EPM2A: variants seen among roughly 807,000 people sequenced by gnomAD.
EPM2A encodes EPM2A glucan phosphatase, laforin.
In EPM2A, 21 loss-of-function variants were observed where a neutral mutation model predicts 26.5. The observed-to-expected ratio is 0.79, with a 90% CI of 0.56 to 1.14. The LOEUF (loss-of-function observed/expected upper bound fraction) is 1.14. EPM2A is among the 50% of genes most tolerant of loss of function. EPM2A has a pLI of 0.00. For missense variants in EPM2A, 458 were observed against 440.8 expected, an observed-to-expected ratio of 1.04 and a Z score of -0.35; for synonymous variants, 217 against 177.6, an observed-to-expected ratio of 1.22 and a Z score of -1.76.
chr6:145,468,379 T>A (rs557674464), intron 4 of EPM2A, among the ~76,000 whole-genome samples: 6 of 152,272 alleles, frequency 3.9e-5, no homozygotes, highest in Admixed American at 1.3e-4. Context: ...TTCAACAAAC[T>A]TTTATTAGAC....
intron 4 of EPM2A, among the ~76,000 whole-genome samples, chr6:145,402,583 G>A (rs1047300034): frequency 6.6e-6 from 1 of 152,094 alleles, no homozygotes; most frequent in Non-Finnish European, 1.5e-5. Context: ...TAAGTGAGAA[G>A]ATATTCTTGT....
chr6:145,638,297 G>A (rs1306443302), intron 2 of EPM2A: 1 of 152,174 alleles, frequency 6.6e-6, no homozygotes, highest in East Asian at 1.9e-4. Context: ...GGGTAAATTA[G>A]GACATTTGAG....
In EPM2A at chr6:145,555,645, A is replaced by T. The variant is rs1780718824; in HGVS notation, c.341-53070T>A. 3.9e-5 allele frequency among the ~76,000 whole-genome samples: 6 copies of T among 152,146 alleles called. No individual in the cohort carries two copies. In the South Asian group the frequency reaches 1.2e-3, roughly 31 times the overall value. On this transcript the variant is annotated intron_variant, in intron 2 of 3. Transcript: ENST00000450221. ...CTTTTCTTTCTCTTTGTCTCTCAAC[A>T]TACACACACACGCATATGCACATAC... is the stretch of plus-strand genomic sequence containing the variant.
At chr6:145,424,146 G>C (rs1050243775) in intron 4 of EPM2A, among the ~76,000 whole-genome samples, 18 of 152,194 alleles carry the variant, frequency 1.2e-4, no homozygotes, top group African/African-American at 3.9e-4. Context: ...CACACTTGGT[G>C]AATACCAACC....
chr6:145,693,857 A>C (rs949127317), intron 1 of EPM2A, among the ~76,000 whole-genome samples: 3 of 151,944 alleles, frequency 2.0e-5, no homozygotes, highest in African/African-American at 7.2e-5. Flanking sequence ...TTTGTTCATC[A>C]AGGCAAGTTA....
chr6:145,418,573 T>G (rs1778739131), intron 4 of EPM2A, among the ~76,000 whole-genome samples: 1 of 152,206 alleles, frequency 6.6e-6, no homozygotes. Context: ...CAGACATGTG[T>G]TGCTGGGGCC....
chr6:145,610,690 A>G (rs1488782944), intron 2 of EPM2A, among the ~76,000 whole-genome samples: 1 of 152,246 alleles, frequency 6.6e-6, no homozygotes, highest in Non-Finnish European at 1.5e-5. Context: ...ACATTTCTGA[A>G]GAAATCAGAA....
At chr6:145,509,289 C>T (rs562229423) in intron 2 of EPM2A, among the ~76,000 whole-genome samples, 7 of 152,186 alleles carry the variant, frequency 4.6e-5, no homozygotes, top group African/African-American at 1.4e-4. Flanking sequence ...ACATAGTCAT[C>T]AGACTATCCA....
chr6:145,553,415 C>T (rs931562364), intron 2 of EPM2A, among the ~76,000 whole-genome samples: 17 of 152,060 alleles, frequency 1.1e-4, no homozygotes, highest in African/African-American at 3.9e-4. Flanking sequence ...GCGTGGCTAA[C>T]GAACTCACCA....
chr6:145,662,299 A>G (rs144163988), intron 2 of EPM2A, among the ~76,000 whole-genome samples: 1,654 of 152,320 alleles, frequency 0.011, 13 homozygotes, highest in Admixed American at 0.018. Flanking sequence ...GTATAAACCT[A>G]TTATTTTTAT....
chr6:145,487,176 C>T (rs967658870), intron 4 of EPM2A, among the ~76,000 whole-genome samples: 33 of 152,132 alleles, frequency 2.2e-4, no homozygotes, highest in Non-Finnish European at 4.0e-4. Flanking sequence ...TGATCTCATG[C>T]TTTTTTATGG....
At chr6:145,675,360 T>C (rs551641930) in intron 2 of EPM2A, among the ~76,000 whole-genome samples, 18 of 152,290 alleles carry the variant, frequency 1.2e-4, no homozygotes, top group African/African-American at 3.4e-4. Flanking sequence ...ATCGATGCTA[T>C]GAAGAAACTG....
At chr6:145,595,481 T>A (rs4495284) in intron 2 of EPM2A, among the ~76,000 whole-genome samples, 55,383 of 147,516 alleles carry the variant, frequency 0.38, 10,549 homozygotes, top group South Asian at 0.52. Context: ...TCAGAAAAAA[T>A]TTATATTGAT....
intron 4 of EPM2A, among the ~76,000 whole-genome samples, chr6:145,447,060 A>G (rs1779136767): frequency 6.6e-6 from 1 of 152,046 alleles, no homozygotes; most frequent in Non-Finnish European, 1.5e-5. Flanking sequence ...CTTTTCATTT[A>G]TTATATGTCT....
At chr6:145,453,132 A>G (rs12524615) in intron 4 of EPM2A, among the ~76,000 whole-genome samples, 10,261 of 152,246 alleles carry the variant, frequency 0.067, 353 homozygotes, top group Admixed American at 0.077. Context: ...GATGCTGTTT[A>G]CTTGTCCAAC....
chr6:145,543,076 C>T (rs419991), intron 2 of EPM2A, among the ~76,000 whole-genome samples: 67,749 of 151,890 alleles, frequency 0.45, 15,143 homozygotes, highest in South Asian at 0.58. Flanking sequence ...AGCTTCCTTT[C>T]GTTTTTGTAT....
chr6:145,683,450 C>T (rs914505888), intron 2 of EPM2A, among the ~76,000 whole-genome samples: 1 of 151,270 alleles, frequency 6.6e-6, no homozygotes. Flanking sequence ...TTACACCTTG[C>T]AGTGGATAAC....
chr6:145,541,978 A>T (rs981165581), intron 2 of EPM2A, among the ~76,000 whole-genome samples: 1 of 152,160 alleles, frequency 6.6e-6, no homozygotes, highest in African/African-American at 2.4e-5. Flanking sequence ...TGCTTAAAAA[A>T]AAAAGAGGCA....
chr6:145,560,234 C>G (rs1008638827), intron 2 of EPM2A, among the ~76,000 whole-genome samples: 2 of 152,074 alleles, frequency 1.3e-5, no homozygotes, highest in Non-Finnish European at 1.5e-5. Flanking sequence ...CTATATTCCA[C>G]CAATTTTGAA....
Sources: gnomAD v4.1 joint callset for allele counts (sites outside exome capture counted in the v4.1 genomes callset) on GRCh38, gnomAD v4.1.1 for gene constraint, MANE v1.5 for transcripts, NCBI Gene and HGNC (gene_info 2026-07-23, HGNC 2026-07-21) for gene names.